Variants in TBC1D22A observed in about 807,000 individuals in gnomAD.
TBC1D22A encodes TBC1 domain family member 22A.
A neutral mutation model predicts 60.2 loss-of-function variants in TBC1D22A; 38 were observed. The observed-to-expected ratio is 0.63, with a 90% CI of 0.49 to 0.83. TBC1D22A has a LOEUF of 0.83. TBC1D22A is among the 40% of genes least tolerant of loss of function. The pLI, the probability that TBC1D22A is intolerant of heterozygous loss-of-function variation, is 0.00. For synonymous variants in TBC1D22A, 302 were observed against 281.7 expected, an observed-to-expected ratio of 1.07 and a Z score of -0.72; for missense variants, 628 against 701.0, an observed-to-expected ratio of 0.90 and a Z score of 1.18.
intron 8 of TBC1D22A, among the ~76,000 whole-genome samples, chr22:46,940,251 G>A (rs545042920): frequency 6.6e-6 from 1 of 152,276 alleles, no homozygotes; most frequent in East Asian, 1.9e-4. Context: ...CTTGCTCGAC[G>A]GAGGGTCACT....
At chr22:47,155,932 T>C (rs1260468479) in intron 12 of TBC1D22A, among the ~76,000 whole-genome samples, 1 of 152,242 alleles carries the variant, frequency 6.6e-6, no homozygotes, top group Non-Finnish European at 1.5e-5. Flanking sequence ...GATGAACTTT[T>C]CATAGGCAGT....
intron 6 of TBC1D22A, among the ~76,000 whole-genome samples, chr22:46,892,301 A>AG (rs1051104854): frequency 6.6e-6 from 1 of 151,834 alleles, no homozygotes. Flanking sequence ...TCTGTAAAAA[A>AG]AAAAAAAAGT....
chr22:46,770,315 G>A (rs2083441323), intron 1 of TBC1D22A, among the ~76,000 whole-genome samples: 2 of 152,368 alleles, frequency 1.3e-5, no homozygotes, highest in South Asian at 4.1e-4. Flanking sequence ...CCGCCAACCG[G>A]AGTGAGCAGG....
At chr22:46,823,830 T>C (rs970130072) in intron 4 of TBC1D22A, among the ~76,000 whole-genome samples, 15 of 151,942 alleles carry the variant, frequency 9.9e-5, no homozygotes, top group African/African-American at 1.9e-4. Context: ...GAGCCGGGAG[T>C]GCGGCCGTGA....
intron 4 of TBC1D22A, among the ~76,000 whole-genome samples, chr22:46,806,000 C>A (rs1379419409): frequency 8.8e-6 from 1 of 113,646 alleles, no homozygotes; most frequent in South Asian, 2.9e-4. Context: ...TTACAGGCAC[C>A]CACCACCACA....
At chr22:46,817,118 T>A (rs528196035) in intron 4 of TBC1D22A, among the ~76,000 whole-genome samples, 1 of 152,332 alleles carries the variant, frequency 6.6e-6, no homozygotes, top group African/African-American at 2.4e-5. Context: ...AGAGAGTGGC[T>A]TAAAATTTTT....
rs375276925 is a variant in TBC1D22A, at chr22:47,028,208, A to T, written c.1202-8863A>T. Among the ~76,000 whole-genome samples, 95 of 152,372 alleles carry T rather than the reference A, an allele frequency of 6.2e-4. No individual in the cohort carries two copies. The highest frequency in any genetic ancestry group is 1.1e-3 in the Non-Finnish European group (76 of 68,036). ...AATAGACCTCAATACCTCTCTAGAG[A>T]TGAAAAGATTGCGTGCTGTGGCGTC... On this transcript the variant is annotated intron_variant, in intron 10 of 12. Transcript: ENST00000337137. This position sits in a 1 kb window ranked among gnomAD's most constrained non-coding sequence, Gnocchi z 4.4.
chr22:47,133,816 C>T (rs2066766157), intron 12 of TBC1D22A, among the ~76,000 whole-genome samples: 1 of 152,216 alleles, frequency 6.6e-6, no homozygotes, highest in African/African-American at 2.4e-5. Context: ...CCAGCAGCGG[C>T]TTCAGGCTGG....
In TBC1D22A at chr22:46,891,343, G is replaced by C. The variant is rs766900008; in HGVS notation, c.786G>C (p.Glu262Asp). The change falls in exon 6 of 13, where the codon GAG becomes GAC. Residue 262 changes from glutamate (E) to aspartate (D), a missense_variant. Glu to Asp is a conservative substitution (Grantham distance 45). Coordinates refer to ENST00000337137, the MANE Select transcript of TBC1D22A (RefSeq NM_014346.5). The stretch of plus-strand genomic sequence containing the variant: ...AAAAAGAATATTTTGCATTTATTGA[G>C]CACTATTACGATTCTAGGAACGACG... Reference protein sequence around the residue: ...RKQKEYFAFIEHYYDSRNDEV... With the variant: ...RKQKEYFAFIDHYYDSRNDEV... 5 of 1,613,506 alleles carry C rather than the reference G, an allele frequency of 3.1e-6. No homozygotes were observed. Among genetic ancestry groups the C allele is most frequent in the Non-Finnish European group, 4.2e-6 (5 of 1,179,808 alleles).
chr22:46,931,470 C>G (rs1270347423), intron 8 of TBC1D22A, among the ~76,000 whole-genome samples: 2 of 152,212 alleles, frequency 1.3e-5, no homozygotes, highest in Non-Finnish European at 2.9e-5. Flanking sequence ...TATCCTCCCA[C>G]TTTTAGCCCT....
chr22:46,828,621 GCTT>G (rs769500954), intron 4 of TBC1D22A, among the ~76,000 whole-genome samples: 1 of 152,212 alleles, frequency 6.6e-6, no homozygotes, highest in Non-Finnish European at 1.5e-5. Context: ...GCTTACCTGA[GCTT>G]CTGCTTTCAG....
At chr22:47,002,105 A>T (rs1482916843) in intron 10 of TBC1D22A, among the ~76,000 whole-genome samples, 2 of 152,248 alleles carry the variant, frequency 1.3e-5, no homozygotes, top group Non-Finnish European at 2.9e-5. Flanking sequence ...CCAATTATTT[A>T]GTAATTTACT....
intron 11 of TBC1D22A, among the ~76,000 whole-genome samples, chr22:47,109,369 C>G (rs1465135646): frequency 6.6e-6 from 1 of 152,162 alleles, no homozygotes; most frequent in Non-Finnish European, 1.5e-5. Context: ...ATAGGAAACT[C>G]GAACAACGCT....
intron 10 of TBC1D22A, among the ~76,000 whole-genome samples, chr22:47,001,368 C>T (rs774452635): frequency 2.1e-5 from 3 of 144,370 alleles, no homozygotes; most frequent in Admixed American, 1.4e-4. Flanking sequence ...CACATGAACC[C>T]GGGAGGCGGA....
intron 9 of TBC1D22A, among the ~76,000 whole-genome samples, chr22:46,993,996 C>T (rs539686675): frequency 2.0e-4 from 30 of 152,334 alleles, no homozygotes; most frequent in South Asian, 4.1e-4. Context: ...TGGCCTTCTC[C>T]GCCCCTAGCC....
At chr22:47,142,803 C>T (rs1969060255) in intron 12 of TBC1D22A, among the ~76,000 whole-genome samples, 1 of 110,768 alleles carries the variant, frequency 9.0e-6, no homozygotes, top group Non-Finnish European at 1.9e-5. Context: ...CACCCACCCA[C>T]CCACTCATCC....
chr22:47,085,028 C>T (rs1449242801), intron 11 of TBC1D22A, among the ~76,000 whole-genome samples: 2 of 152,278 alleles, frequency 1.3e-5, no homozygotes, highest in South Asian at 2.1e-4. Flanking sequence ...ACCTGTAATC[C>T]CAGCACTTTG....
chr22:46,885,093 C>T lies in TBC1D22A; in HGVS notation c.709-6173C>T, dbSNP rs567642536. On this transcript the variant is annotated intron_variant, in intron 5 of 12. Coordinates refer to ENST00000337137, the MANE Select transcript of TBC1D22A (RefSeq NM_014346.5). ...GAAAGGACCGTGGGGTCTTTGTCCA[C>T]CCACTGATGGACAGTCACCTGTGAG... Among the ~76,000 whole-genome samples, 3 of 152,340 alleles carry T rather than the reference C, an allele frequency of 2.0e-5. No individual in the cohort carries two copies. In the East Asian group the frequency reaches 5.8e-4, roughly 29 times the overall value.
At chr22:46,844,683 C>T (rs900919944) in intron 4 of TBC1D22A, among the ~76,000 whole-genome samples, 6 of 152,154 alleles carry the variant, frequency 3.9e-5, no homozygotes, top group South Asian at 2.1e-4. Context: ...CCATCTGGGT[C>T]CCCCGTGGGG....
Sources: gnomAD v4.1 joint callset for allele counts (sites outside exome capture counted in the v4.1 genomes callset) on GRCh38, gnomAD v4.1.1 for gene constraint, Gnocchi (gnomAD v3.1) non-coding constraint, MANE v1.5 for transcripts, NCBI Gene and HGNC (gene_info 2026-07-23, HGNC 2026-07-21) for gene names.